The following DMD variants were observed in gnomAD, a reference collection of about 807,000 sequenced individuals.
DMD encodes the protein mutant dystrophin.
Under a neutral mutation model 330.1 loss-of-function variants are expected in DMD, and 63 were observed. That is an observed-to-expected ratio of 0.19 (90% CI 0.16 to 0.24). The LOEUF (loss-of-function observed/expected upper bound fraction) is 0.24. DMD is among the 10% of genes least tolerant of loss of function. DMD has a pLI of 1.00. For synonymous variants in DMD, 1,223 were observed against 959.8 expected, an observed-to-expected ratio of 1.27 and a Z score of -5.07; for missense variants, 3,344 against 2,684.1, an observed-to-expected ratio of 1.25 and a Z score of -5.43.
At chrX:32,200,313 CT>C (rs1215475989) in intron 44 of DMD, among the ~76,000 whole-genome samples, 1 of 111,650 alleles carries the variant, frequency 9.0e-6, no homozygotes, top group Non-Finnish European at 1.9e-5. Flanking sequence ...ACTCATGATG[CT>C]TTATTAAATA....
chrX:31,487,327 C>A (rs982248169), intron 57 of DMD, among the ~76,000 whole-genome samples: 1 of 107,878 alleles, frequency 9.3e-6, no homozygotes, highest in African/African-American at 3.4e-5. Context: ...GGTGCGCGAT[C>A]TCGGCTCACT....
intron 7 of DMD, among the ~76,000 whole-genome samples, chrX:32,746,241 G>A (rs896072498): frequency 8.9e-6 from 1 of 112,115 alleles, no homozygotes; most frequent in African/African-American, 3.2e-5. Context: ...ACTCAAAGAC[G>A]TTCTATCTGG....
At chrX:33,105,100 A>C (rs1267050293) in intron 1 of DMD, among the ~76,000 whole-genome samples, 2 of 112,306 alleles carry the variant, frequency 1.8e-5, no homozygotes, top group African/African-American at 6.5e-5. Context: ...TTGGAATAGA[A>C]TAGAGAAGCC....
chrX:32,712,193 GCT>G (rs773867443), intron 7 of DMD, among the ~76,000 whole-genome samples: 3 of 111,451 alleles, frequency 2.7e-5, no homozygotes, highest in Non-Finnish European at 3.8e-5. Flanking sequence ...CGAGGATTAT[GCT>G]GGACACTGCA....
chrX:31,815,311 G>A (rs1017529603), intron 50 of DMD, among the ~76,000 whole-genome samples: 10 of 111,249 alleles, frequency 9.0e-5, no homozygotes, highest in African/African-American at 3.3e-4. Flanking sequence ...TTAGCCAGGC[G>A]TGGTGGCGGG....
intron 28 of DMD, among the ~76,000 whole-genome samples, chrX:32,438,849 T>C (rs1233150834): frequency 8.9e-6 from 1 of 111,760 alleles, no homozygotes; most frequent in Non-Finnish European, 1.9e-5. Flanking sequence ...ACTTTGAGTG[T>C]GAGGTCCTTC....
At chrX:31,388,225 G>T (rs1021533890) in intron 60 of DMD, among the ~76,000 whole-genome samples, 2 of 108,767 alleles carry the variant, frequency 1.8e-5, no homozygotes, top group South Asian at 8.2e-4. Flanking sequence ...GGACGGTCTC[G>T]ATCTCCTGAC....
At chrX:32,729,776 G>A (rs2067323744) in intron 7 of DMD, among the ~76,000 whole-genome samples, 1 of 111,861 alleles carries the variant, frequency 8.9e-6, no homozygotes. Flanking sequence ...AAATATGTGT[G>A]TTATTCTTTT....
At chrX:32,040,760 A>T (rs2095994640) in intron 44 of DMD, among the ~76,000 whole-genome samples, 1 of 111,205 alleles carries the variant, frequency 9.0e-6, no homozygotes, top group Non-Finnish European at 1.9e-5. Flanking sequence ...AGAGTGTGGG[A>T]GTTGACTGAG....
intron 2 of DMD, 152 bp from the exon 3 acceptor site, chrX:32,849,972 TCAAATGA>T (rs1417412539): frequency 6.2e-6 from 3 of 485,921 alleles, no homozygotes; most frequent in Non-Finnish European, 1.0e-5. Flanking sequence ...AAAGGAAAGT[TCAAATGA>T]CAAAAAAAAT....
chrX:32,065,347 T>C (rs1366091794), intron 44 of DMD, among the ~76,000 whole-genome samples: 1 of 111,300 alleles, frequency 9.0e-6, no homozygotes, highest in Non-Finnish European at 1.9e-5. Context: ...CCTACCATTA[T>C]TACACTCCGT....
At position 32,859,170 on chromosome X, in the gene DMD, T is replaced by C. The variant is rs756646164; in HGVS notation, c.94-9350A>G. Among the ~76,000 whole-genome samples, 271 of 111,161 alleles carry C rather than the reference T, an allele frequency of 2.4e-3. 1 individual carries two copies. Among genetic ancestry groups the C allele is most frequent in the Middle Eastern group, 0.019 (4 of 214 alleles). On this transcript the variant is annotated intron_variant, in intron 2 of 78. Transcript: ENST00000357033. ...TCTTTCTTTGACCAAATTCTAGGTG[T>C]AAAAACGTTTAACTCGGCCAGGTGC... is the stretch of plus-strand genomic sequence containing the variant.
At chrX:31,473,406 A>G (rs746283746) in intron 59 of DMD, among the ~76,000 whole-genome samples, 1 of 105,921 alleles carries the variant, frequency 9.4e-6, no homozygotes, top group Non-Finnish European at 1.9e-5. Context: ...ATGGTTTATT[A>G]AAACAAAAAC....
At chrX:32,866,912 T>C (rs2082559454) in intron 2 of DMD, among the ~76,000 whole-genome samples, 1 of 111,145 alleles carries the variant, frequency 9.0e-6, no homozygotes, top group East Asian at 2.8e-4. Flanking sequence ...TTTTGTATTT[T>C]TTTAGTAGAA....
At chrX:31,578,159 C>T (rs1331244971) in intron 55 of DMD, among the ~76,000 whole-genome samples, 1 of 111,440 alleles carries the variant, frequency 9.0e-6, no homozygotes, top group Non-Finnish European at 1.9e-5. Context: ...TACTGGAGAA[C>T]ATTATAGGTT....
intron 16 of DMD, among the ~76,000 whole-genome samples, chrX:32,555,634 T>A (rs182070045): frequency 1.3e-3 from 149 of 111,384 alleles, no homozygotes; most frequent in African/African-American, 4.4e-3. Flanking sequence ...AACAGACACA[T>A]AGACCAATGA....
chrX:32,684,122 T>TA (rs1239055986), intron 9 of DMD, among the ~76,000 whole-genome samples: 2 of 109,084 alleles, frequency 1.8e-5, no homozygotes, highest in African/African-American at 6.7e-5. Context: ...GGCACAGAGA[T>TA]AAAGTGCTGT....
chrX:32,443,229 T>C (rs2098289333), intron 27 of DMD, among the ~76,000 whole-genome samples: 1 of 111,012 alleles, frequency 9.0e-6, no homozygotes, highest in Non-Finnish European at 1.9e-5. Flanking sequence ...ATTAATCAGA[T>C]TTCCCAAAGT....
intron 62 of DMD, among the ~76,000 whole-genome samples, chrX:31,314,680 C>T (rs762340612): frequency 2.8e-5 from 3 of 106,801 alleles, no homozygotes; most frequent in South Asian, 4.2e-4. Context: ...AAATTTGCAA[C>T]GTGACAGCAC....
Sources: gnomAD v4.1 joint callset for allele counts (sites outside exome capture counted in the v4.1 genomes callset) on GRCh38, gnomAD v4.1.1 for gene constraint, MANE v1.5 for transcripts, NCBI Gene and HGNC (gene_info 2026-07-23, HGNC 2026-07-21) for gene names.